Variants in RSRC1 observed in about 807,000 individuals in gnomAD.
RSRC1 encodes arginine and serine rich coiled-coil 1.
RSRC1 carries 39 observed loss-of-function variants against 49.1 expected under a neutral mutation model. The observed-to-expected ratio is 0.79, with a 90% CI of 0.61 to 1.04. RSRC1 has a LOEUF of 1.04. Among genes scored for constraint, RSRC1 ranks in the 50% least tolerant of loss-of-function variants. The pLI, the probability that RSRC1 is intolerant of heterozygous loss-of-function variation, is 0.00. For missense variants in RSRC1, 388 were observed against 402.4 expected (o/e 0.96, Z 0.31); for synonymous variants, 143 against 130.8 (o/e 1.09, Z -0.63).
At chr3:158,389,758 A>G (rs893782823) in intron 6 of RSRC1, among the ~76,000 whole-genome samples, 1 of 152,192 alleles carries the variant, frequency 6.6e-6, no homozygotes, top group Non-Finnish European at 1.5e-5. Context: ...TTTCACTTAC[A>G]TGTGTATCTG....
intron 4 of RSRC1, among the ~76,000 whole-genome samples, chr3:158,261,606 T>A (rs1724897876): frequency 6.6e-6 from 1 of 152,200 alleles, no homozygotes; most frequent in African/African-American, 2.4e-5. Flanking sequence ...CGAAGCTTCA[T>A]CTGTATTTAC....
intron 5 of RSRC1, among the ~76,000 whole-genome samples, chr3:158,312,615 T>C (rs569158375): frequency 1.3e-5 from 2 of 152,300 alleles, no homozygotes; most frequent in South Asian, 4.1e-4. Flanking sequence ...CAACTTACTT[T>C]ATGTAATAGC....
At chr3:158,145,014 G>T (rs1716994590) in intron 3 of RSRC1, among the ~76,000 whole-genome samples, 1 of 152,214 alleles carries the variant, frequency 6.6e-6, no homozygotes, top group South Asian at 2.1e-4. Context: ...TGAGTTCTTT[G>T]TAGATTCTGG....
chr3:158,487,952 A>AAAAAAAAAAAAAAAAAAAAAAAC (rs1738891699), intron 7 of RSRC1, among the ~76,000 whole-genome samples: 1 of 137,334 alleles, frequency 7.3e-6, no homozygotes, highest in Non-Finnish European at 1.5e-5. Flanking sequence ...ATCTCAAGAA[A>AAAAAAAAAAAAAAAAAAAAAAAC]AAAAAAAAAA....
intron 7 of RSRC1, among the ~76,000 whole-genome samples, chr3:158,514,541 GTGGTCAATTT>G (rs1346709893): frequency 6.6e-6 from 1 of 152,090 alleles, no homozygotes; most frequent in Non-Finnish European, 1.5e-5. Flanking sequence ...TTCCACGTAT[GTGGTCAATTT>G]TGGAATAGGT....
intron 6 of RSRC1, among the ~76,000 whole-genome samples, chr3:158,438,580 A>G (rs1185255995): frequency 6.6e-6 from 1 of 152,208 alleles, no homozygotes; most frequent in South Asian, 2.1e-4. Flanking sequence ...AGGATTCCCT[A>G]TTTAATAAAT....
chr3:158,386,379 AT>A (rs1445321297), intron 6 of RSRC1, among the ~76,000 whole-genome samples: 5 of 152,040 alleles, frequency 3.3e-5, no homozygotes, highest in African/African-American at 9.6e-5. Context: ...ATTGTATGTA[AT>A]CTTGTTTAAT....
intron 4 of RSRC1, among the ~76,000 whole-genome samples, chr3:158,269,484 C>G (rs1038052351): frequency 6.6e-6 from 1 of 152,044 alleles, no homozygotes; most frequent in Non-Finnish European, 1.5e-5. Flanking sequence ...TTTATTTTCC[C>G]CACTACCATG....
chr3:158,380,152 GAACT>G (rs1456106009), intron 6 of RSRC1, among the ~76,000 whole-genome samples: 4 of 152,114 alleles, frequency 2.6e-5, no homozygotes, highest in Admixed American at 6.5e-5. Context: ...GAACTGGAAT[GAACT>G]AACAGAAGAA....
At chr3:158,489,958 A>G (rs1578538407) in intron 7 of RSRC1, among the ~76,000 whole-genome samples, 3 of 152,358 alleles carry the variant, frequency 2.0e-5, no homozygotes, top group Admixed American at 2.0e-4. Context: ...AATATTATCC[A>G]TTATGTGGTG....
intron 1 of RSRC1, among the ~76,000 whole-genome samples, chr3:158,114,010 AT>A (rs1011949405): frequency 1.8e-4 from 27 of 152,134 alleles, no homozygotes; most frequent in Middle Eastern, 3.4e-3. Flanking sequence ...ATTAGATCCC[AT>A]TTGTAATTTT....
chr3:158,241,105 A>G (rs188154770), intron 4 of RSRC1, among the ~76,000 whole-genome samples: 409 of 152,314 alleles, frequency 2.7e-3, no homozygotes, highest in African/African-American at 9.6e-3. Flanking sequence ...GATACTATCC[A>G]TGGTATAGAA....
At chr3:158,209,603 G>A (rs1721548391) in intron 4 of RSRC1, among the ~76,000 whole-genome samples, 1 of 152,014 alleles carries the variant, frequency 6.6e-6, no homozygotes, top group Admixed American at 6.6e-5. Flanking sequence ...ACCATGAAAA[G>A]TTTTCACCGT....
chr3:158,520,739 G>T (rs1357501807), intron 7 of RSRC1, among the ~76,000 whole-genome samples: 2 of 151,994 alleles, frequency 1.3e-5, no homozygotes, highest in African/African-American at 4.8e-5. Context: ...ATTTTCAAAG[G>T]TTTATGTTTA....
intron 4 of RSRC1, among the ~76,000 whole-genome samples, chr3:158,243,789 T>C (rs879735152): frequency 3.9e-5 from 6 of 152,118 alleles, no homozygotes; most frequent in Non-Finnish European, 7.4e-5. Flanking sequence ...AGGTATTTTA[T>C]TCCTTTTGTG....
chr3:158,364,800 A>T (rs1206989010), intron 6 of RSRC1, among the ~76,000 whole-genome samples: 1 of 139,288 alleles, frequency 7.2e-6, no homozygotes, highest in Admixed American at 7.7e-5. Flanking sequence ...TCAGTTTTTT[A>T]TTTACAGAAT....
intron 4 of RSRC1, among the ~76,000 whole-genome samples, chr3:158,250,915 A>G (rs1023080764): frequency 2.0e-5 from 3 of 152,172 alleles, no homozygotes; most frequent in African/African-American, 7.2e-5. Flanking sequence ...TTTGCCCAGA[A>G]CAATGTCCTG....
At chr3:158,428,910 G>A (rs945505983) in intron 6 of RSRC1, among the ~76,000 whole-genome samples, 10 of 151,860 alleles carry the variant, frequency 6.6e-5, no homozygotes, top group African/African-American at 2.4e-4. Flanking sequence ...TTCTCTAGCA[G>A]TGTGCCAAAC....
intron 6 of RSRC1, among the ~76,000 whole-genome samples, chr3:158,385,709 T>C (rs1732934824): frequency 6.6e-6 from 1 of 152,208 alleles, no homozygotes; most frequent in Non-Finnish European, 1.5e-5. Flanking sequence ...CCCAAATGAA[T>C]GAAATTAGAA....
Sources: allele counts gnomAD v4.1 joint callset (sites outside exome capture counted in the v4.1 genomes callset), GRCh38; gene constraint gnomAD v4.1.1; transcripts MANE v1.5; gene names NCBI Gene and HGNC (gene_info 2026-07-23, HGNC 2026-07-21).